Variants in CD5 observed in about 807,000 individuals in gnomAD.
CD5 encodes the protein CD5 molecule.
Under a neutral mutation model 60.3 loss-of-function variants are expected in CD5, and 36 were observed. The ratio of observed to expected loss-of-function variants is 0.60; its 90% CI spans 0.46 to 0.79. The LOEUF is 0.79. Among genes scored for constraint, CD5 ranks in the 30% least tolerant of loss-of-function variants. The pLI is 0.00. For missense variants in CD5, 540 were observed against 630.6 expected (o/e 0.86, Z 1.54); for synonymous variants, 230 against 257.6 (o/e 0.89, Z 1.03).
At chr11:61,120,830 C>T (rs1565186550) in intron 5 of CD5, among the ~76,000 whole-genome samples, 1 of 152,232 alleles carries the variant, frequency 6.6e-6, no homozygotes, top group African/African-American at 2.4e-5. Context: ...CCACCGGCCC[C>T]TCAGCTACTA....
chr11:61,121,738 G>A lies in CD5; in HGVS notation c.933G>A (p.Arg311=). The A allele has an allele frequency of 2.5e-6, 4 of 1,611,598 alleles. No individual in the cohort carries two copies. Among genetic ancestry groups the A allele is most frequent in the Non-Finnish European group, 3.4e-6 (4 of 1,178,262 alleles). Reference sequence around the variant, plus strand: ...GCTCTTCAGCCAGGAGCTCGCTGCGGTGGGAGGAGGTGTGCCGGGAGCAGC... The same window carrying A: ...GCTCTTCAGCCAGGAGCTCGCTGCGATGGGAGGAGGTGTGCCGGGAGCAGC... ...CDSSSARSSL[R]WEEVCREQQC... Residue 311 remains arginine (R), a synonymous_variant, in exon 6 of 11, where the codon CGG becomes CGA. Transcript: ENST00000347785.
At chr11:61,101,240 ATTC>A (rs1860678538), upstream of CD5, among the ~76,000 whole-genome samples, 1 of 106,354 alleles carries the variant, frequency 9.4e-6, no homozygotes, top group African/African-American at 3.2e-5. Context: ...TGGAGATCAC[ATTC>A]ACACACATCA....
intron 2 of CD5, among the ~76,000 whole-genome samples, chr11:61,117,970 T>C (rs1388075771): frequency 6.6e-6 from 1 of 152,214 alleles, no homozygotes; most frequent in African/African-American, 2.4e-5. Flanking sequence ...CCCACCCTCC[T>C]GGGTCTAGCT....
rs913119350 is a variant in CD5 at position 61,125,611 on chromosome 11, T to G, written c.1400-140T>G. 3 of 563,414 alleles carry G rather than the reference T, an allele frequency of 5.3e-6. No homozygotes were observed. In the African/African-American group the frequency reaches 5.7e-5, roughly 11 times the overall value. The allele number at this position is 563,414 out of a possible 1,614,324, so 34.9% of individuals were successfully genotyped here. On this transcript the variant is annotated intron_variant, in intron 9 of 10. Coordinates refer to ENST00000347785, the MANE Select transcript of CD5 (RefSeq NM_014207.4). ...CATCATTAGTGAACGTTTGGCTGATTTGATCAAAACAGATAAGGGGTTGTC... is the reference window on the plus strand; with the variant it reads ...CATCATTAGTGAACGTTTGGCTGATGTGATCAAAACAGATAAGGGGTTGTC...
Position 61,125,806 on chromosome 11 carries a change from T to G in CD5, c.1455T>G (p.Ser485Arg), listed in dbSNP as rs746968052. Residue 485 changes from serine to arginine, a missense_variant, in exon 10 of 11, where the codon AGT becomes AGG. Coordinates refer to ENST00000347785, the MANE Select transcript of CD5 (RefSeq NM_014207.4). ...SSMQPDNSSD[S>R]DYDLHGAQRL is the part of the protein sequence containing the mutation. ...TGCAGCCTGACAACTCCTCCGACAG[T>G]GACTATGATCTGCATGGGGCTCAGA... The G allele has an allele frequency of 6.2e-7, 1 of 1,612,472 alleles. No individual in the cohort carries two copies. Among genetic ancestry groups the G allele is most frequent in the Non-Finnish European group, 8.5e-7 (1 of 1,179,156 alleles).
chr11:61,125,901 GCAGCAGC>G, intron 10 of CD5, 60 bp downstream of exon 10: 1 of 1,191,780 alleles, frequency 8.4e-7, no homozygotes, highest in South Asian at 1.5e-5. Context: ...CTGGGGGTGA[GCAGCAGC>G]CACTCAATGC....
intron 2 of CD5, among the ~76,000 whole-genome samples, chr11:61,117,187 T>A (rs1289133902): frequency 6.6e-6 from 1 of 152,194 alleles, no homozygotes; most frequent in Non-Finnish European, 1.5e-5. Flanking sequence ...TAGCTAAATC[T>A]CAAATACATG....
chr11:61,120,033 G>A (rs957394298), intron 5 of CD5, among the ~76,000 whole-genome samples: 6 of 152,142 alleles, frequency 3.9e-5, no homozygotes, highest in Non-Finnish European at 7.3e-5. Flanking sequence ...CCTGAGGCCC[G>A]GGAGTCAGAG....
At chr11:61,100,720 G>A (rs1227111581), upstream of CD5, among the ~76,000 whole-genome samples, 4 of 144,178 alleles carry the variant, frequency 2.8e-5, no homozygotes, top group African/African-American at 7.8e-5. Flanking sequence ...TCAACATGGA[G>A]ATCACACACA....
intron 1 of CD5, 90 bp downstream of exon 1, chr11:61,102,705 G>A: frequency 6.1e-6 from 7 of 1,139,718 alleles, no homozygotes; most frequent in Non-Finnish European, 7.7e-6. Flanking sequence ...CTGACTCTGG[G>A]ATCCACATGT....
At chr11:61,114,973 G>A in intron 1 of CD5, 83 bp from the exon 2 acceptor site, 1 of 1,356,568 alleles carries the variant, frequency 7.4e-7, no homozygotes. Context: ...AAGGGCCATT[G>A]CTCGGGCTGT....
chr11:61,118,949 C>A lies in CD5; in HGVS notation c.435C>A (p.Pro145=). The A allele has an allele frequency of 6.2e-7, 1 of 1,613,912 alleles. No individual in the cohort carries two copies. The highest frequency in any genetic ancestry group is 8.5e-7 in the Non-Finnish European group (1 of 1,179,874). ...AGACAACACCTCCAACGACAAGGCC[C>A]CCGCCCACCACAACTCCAGAGCCCA... ...PQKTTPPTTR[P]PPTTTPEPTA... Residue 145 remains proline, a synonymous_variant, in exon 4 of 11, where the codon CCC becomes CCA. Transcript: ENST00000347785. The surrounding 1 kb of genome is among the most constrained non-coding windows in gnomAD (Gnocchi z 4.7).
intron 7 of CD5, 103 bp from the exon 8 acceptor site, chr11:61,123,769 AGCTGCACCTGCC>A (rs974103866): frequency 2.5e-6 from 2 of 795,188 alleles, no homozygotes; most frequent in East Asian, 2.7e-5. Context: ...CCCTGCCCTC[AGCTGCACCTGCC>A]GCCACCATCT....
chr11:61,109,055 G>A (rs1860813270), intron 1 of CD5, among the ~76,000 whole-genome samples: 1 of 152,172 alleles, frequency 6.6e-6, no homozygotes, highest in South Asian at 2.1e-4. Context: ...AGGAGTGCAG[G>A]TTACAAAGCC....
At chr11:61,098,777 G>A (rs896005057), upstream of CD5, among the ~76,000 whole-genome samples, 1 of 152,194 alleles carries the variant, frequency 6.6e-6, no homozygotes, top group African/African-American at 2.4e-5. Context: ...GCTCCCGGCT[G>A]AATAAACCCC....
upstream of CD5, among the ~76,000 whole-genome samples, chr11:61,099,401 C>G (rs1216004654): frequency 9.7e-5 from 9 of 92,488 alleles, no homozygotes; most frequent in Non-Finnish European, 1.8e-4. Context: ...CACACATCAA[C>G]ATGGAAATCA....
In CD5 at chr11:61,102,853, C is replaced by T. The variant is rs1860719310; in HGVS notation, c.55+238C>T. On this transcript the variant is annotated intron_variant, in intron 1 of 10. Transcript: ENST00000347785. ...TGCCTCTCTCATGCGCTGTTGAGAACCCTGCTTTACCCTTCCAGTGCAAGA... is the reference window on the plus strand; with the variant it reads ...TGCCTCTCTCATGCGCTGTTGAGAATCCTGCTTTACCCTTCCAGTGCAAGA... Among the ~76,000 whole-genome samples the T allele has an allele frequency of 3.3e-5, 5 of 152,340 alleles. No homozygotes were observed. The South Asian group carries it at 1.0e-3, about 32-fold the overall frequency.
At position 61,118,250 on chromosome 11, in the gene CD5, A is replaced by T. The variant is rs146299312; in HGVS notation, c.170A>T (p.His57Leu). Reference sequence around the variant, plus strand: ...GAGGTCTACCTCAAGGACGGATGGCACATGGTTTGCAGCCAGAGCTGGGGC... The same window carrying T: ...GAGGTCTACCTCAAGGACGGATGGCTCATGGTTTGCAGCCAGAGCTGGGGC... Reference protein sequence around the residue: ...QLEVYLKDGWHMVCSQSWGRS... With the variant: ...QLEVYLKDGWLMVCSQSWGRS... The change falls in exon 3 of 11, where the codon CAC becomes CTC. Residue 57 changes from histidine (H) to leucine (L), a missense_variant. Physicochemically the swap from His to Leu is moderately conservative, Grantham distance 99. Coordinates refer to ENST00000347785, the MANE Select transcript of CD5 (RefSeq NM_014207.4). The surrounding 1 kb of genome is among the most constrained non-coding windows in gnomAD (Gnocchi z 4.7). 1.4e-5 allele frequency: 22 copies of T among 1,614,240 alleles called. No individual in the cohort carries two copies. The highest frequency in any genetic ancestry group is 1.9e-5 in the Non-Finnish European group (22 of 1,180,042).
chr11:61,120,557 G>A (rs1326708093), intron 5 of CD5, among the ~76,000 whole-genome samples: 1 of 152,204 alleles, frequency 6.6e-6, no homozygotes, highest in Non-Finnish European at 1.5e-5. Flanking sequence ...GTGACTCAGT[G>A]TGGTCCTGGA....
Sources: allele counts gnomAD v4.1 joint callset (sites outside exome capture counted in the v4.1 genomes callset), GRCh38; gene constraint gnomAD v4.1.1; non-coding constraint Gnocchi (gnomAD v3.1); transcripts MANE v1.5; gene names NCBI Gene and HGNC (gene_info 2026-07-23, HGNC 2026-07-21).